Variants in CASZ1 observed in about 807,000 individuals in gnomAD.
CASZ1 encodes zinc finger protein castor homolog 1.
CASZ1 carries 28 observed loss-of-function variants against 135.2 expected under a neutral mutation model. That is an observed-to-expected ratio of 0.21 (90% CI 0.15 to 0.28). The LOEUF (loss-of-function observed/expected upper bound fraction) is 0.28, where lower values mean the gene tolerates loss of function less well. Among genes scored for constraint, CASZ1 ranks in the 10% least tolerant of loss-of-function variants. CASZ1 has a pLI of 1.00. For missense variants in CASZ1, 2,161 were observed against 2,453.3 expected (o/e 0.88, Z 2.52); for synonymous variants, 1,068 against 1,073.4 (o/e 0.99, Z 0.10).
rs780665405 is a variant in CASZ1 at position 10,653,396 on chromosome 1, G to C, written c.2661C>G (p.Pro887=). The part of the protein sequence containing the change: ...MARLAAAALK[P]SATFDPGSGQ... ...GCTCACCTGGGTCAAAGGTGGCAGAGGGCTTGAGGGCAGCTGCAGCCAGCC... is the reference window on the plus strand; with the variant it reads ...GCTCACCTGGGTCAAAGGTGGCAGACGGCTTGAGGGCAGCTGCAGCCAGCC... Residue 887 remains proline (P), a synonymous_variant, in exon 11 of 21, where the codon CCC becomes CCG. Transcript: ENST00000377022. 2 of 1,613,278 alleles carry C rather than the reference G, an allele frequency of 1.2e-6. No individual in the cohort carries two copies. Among genetic ancestry groups the C allele is most frequent in the Non-Finnish European group, 1.7e-6 (2 of 1,180,014 alleles).
chr1:10,674,824 A>G (rs1378427363), intron 4 of CASZ1, among the ~76,000 whole-genome samples: 1 of 152,040 alleles, frequency 6.6e-6, no homozygotes, highest in Admixed American at 6.5e-5. Context: ...GCTAAAGCCA[A>G]CTTCTTCCTG....
chr1:10,666,808 C>T lies in CASZ1; in HGVS notation c.17-1237G>A, dbSNP rs886757831. The stretch of plus-strand genomic sequence containing the variant: ...GGACACACACACACGCACACACACG[C>T]GTGCACACACAGCGCAGCCACATGG... On this transcript the variant is annotated intron_variant, in intron 4 of 20. Transcript: ENST00000377022. This position sits in a 1 kb window ranked among gnomAD's most constrained non-coding sequence, Gnocchi z 5.2. Among the ~76,000 whole-genome samples, 2 of 152,254 alleles carry T rather than the reference C, an allele frequency of 1.3e-5. No homozygotes were observed. Among genetic ancestry groups the T allele is most frequent in the East Asian group, 1.9e-4 (1 of 5,196 alleles).
chr1:10,794,261 C>T lies in CASZ1; in HGVS notation c.-234+2303G>A, dbSNP rs1044584101. Among the ~76,000 whole-genome samples the T allele has an allele frequency of 6.6e-6, 1 of 152,072 alleles. No individual in the cohort carries two copies. Among genetic ancestry groups the T allele is most frequent in the Admixed American group, 6.5e-5 (1 of 15,274 alleles). On this transcript the variant is annotated intron_variant, in intron 1 of 20. Transcript: ENST00000377022. This position sits in a 1 kb window ranked among gnomAD's most constrained non-coding sequence, Gnocchi z 5.6. Reference sequence around the variant, plus strand: ...CCAAGATTATCCGGCGATCTGTTTTCCAGTCCCCTCGTGCGCTCTCACCGC... The same window carrying T: ...CCAAGATTATCCGGCGATCTGTTTTTCAGTCCCCTCGTGCGCTCTCACCGC...
In CASZ1 at chr1:10,650,995, C is replaced by A; in HGVS notation, c.2762G>T (p.Gly921Val). 1 of 1,575,078 alleles carries A rather than the reference C, an allele frequency of 6.3e-7. No individual in the cohort carries two copies. The highest frequency in any genetic ancestry group is 1.4e-5 in the African/African-American group (1 of 72,456). Residue 921 changes from glycine to valine, a missense_variant, in exon 12 of 21, where the codon GGC becomes GTC. Transcript: ENST00000377022. ...GCGGTCCTGGGAGGCTTCGTGGGGG[C>A]CTGGGGCGCCGGTGCTCTCACCGGG... The part of the protein sequence containing the change: ...PEPGESTGAP[G>V]PHEASQDRSL...
At chr1:10,650,289 ACT>A (rs1642519481) in intron 13 of CASZ1, 1 of 152,594 alleles carries the variant, frequency 6.6e-6, no homozygotes, top group South Asian at 2.1e-4. Context: ...CGAGACCATT[ACT>A]CAACCGGAAA....
rs77134404 is a variant in CASZ1, at chr1:10,705,015, C to G, written c.-24+477G>C. The stretch of plus-strand genomic sequence containing the variant: ...CTCTTAGGGAGGATGGAGGAAGCCA[C>G]TAGGGGTGGCACAGCCTCCGAGGAG... On this transcript the variant is annotated intron_variant, in intron 3 of 20. Coordinates refer to ENST00000377022, the MANE Select transcript of CASZ1 (RefSeq NM_001079843.3). Among the ~76,000 whole-genome samples, 629 of 152,362 alleles carry G rather than the reference C, an allele frequency of 4.1e-3. 5 individuals are homozygous for G. The highest frequency in any genetic ancestry group is 0.014 in the African/African-American group (583 of 41,590).
chr1:10,690,558 G>T (rs996226590), intron 4 of CASZ1, among the ~76,000 whole-genome samples: 13 of 152,198 alleles, frequency 8.5e-5, no homozygotes, highest in Non-Finnish European at 1.6e-4. Context: ...CAATGCAAGG[G>T]GGTCCTGGCC....
At chr1:10,698,126 G>A (rs576121728) in intron 3 of CASZ1, among the ~76,000 whole-genome samples, 12 of 152,390 alleles carry the variant, frequency 7.9e-5, no homozygotes, top group East Asian at 5.8e-4. Flanking sequence ...GGGCCGCGCC[G>A]AGTGTAAGGC....
At chr1:10,746,660 C>T (rs1445747083) in intron 2 of CASZ1, among the ~76,000 whole-genome samples, 7 of 152,228 alleles carry the variant, frequency 4.6e-5, no homozygotes, top group Admixed American at 2.0e-4. Context: ...AGCCTGGACC[C>T]GGGACCTTCT....
rs1161172758 is a variant in CASZ1 at position 10,711,500 on chromosome 1, C to T, written c.-76-5956G>A. On this transcript the variant is annotated intron_variant, in intron 2 of 20. Transcript: ENST00000377022. The surrounding 1 kb of genome is among the most constrained non-coding windows in gnomAD (Gnocchi z 4.4). ...AATAAATATGGCCTCTTATTAGTTT[C>T]CAGGGTCCCTGCCTTTAAGAAGCTA... Among the ~76,000 whole-genome samples, 1 of 151,874 alleles carries T rather than the reference C, an allele frequency of 6.6e-6. No individual in the cohort carries two copies. The highest frequency in any genetic ancestry group is 2.4e-5 in the African/African-American group (1 of 41,288).
At chr1:10,786,934 A>C (rs758939017) in intron 1 of CASZ1, among the ~76,000 whole-genome samples, 6 of 152,132 alleles carry the variant, frequency 3.9e-5, no homozygotes, top group Non-Finnish European at 8.8e-5. Flanking sequence ...ACCCAGGCTC[A>C]CGGCTTTCTG....
At chr1:10,677,793 C>T (rs1437583703) in intron 4 of CASZ1, among the ~76,000 whole-genome samples, 6 of 152,214 alleles carry the variant, frequency 3.9e-5, no homozygotes, top group South Asian at 4.1e-4. Flanking sequence ...CCAGGCCCCT[C>T]GGGCCCCAAA....
intron 2 of CASZ1, among the ~76,000 whole-genome samples, chr1:10,729,304 C>T (rs1639660367): frequency 6.6e-6 from 1 of 152,168 alleles, no homozygotes; most frequent in Admixed American, 6.5e-5. Flanking sequence ...GGACCAGGCT[C>T]TTCTAGCTGT....
At position 10,636,655 on chromosome 1, in the gene CASZ1, C is replaced by CAAAA. The variant is rs59054467; in HGVS notation, c.*2283_*2286dup. ...AATGTCAAACCTTGCATCAGTCATG[C>CAAAA]AAAAAAAAAAAAAAAAATCAAATAA... On this transcript the variant is annotated 3_prime_UTR_variant, in exon 21 of 21. Coordinates refer to ENST00000377022, the MANE Select transcript of CASZ1 (RefSeq NM_001079843.3). 5.3e-5 allele frequency: 6 copies of CAAAA among 113,284 alleles called. No individual in the cohort carries two copies. The highest frequency in any genetic ancestry group is 1.6e-4 in the African/African-American group (5 of 30,604). The allele number at this position is 113,284 out of a possible 1,614,324, so 7.0% of individuals were successfully genotyped here.
intron 1 of CASZ1, among the ~76,000 whole-genome samples, chr1:10,765,370 T>C (rs1640454747): frequency 6.8e-6 from 1 of 147,814 alleles, no homozygotes; most frequent in South Asian, 2.1e-4. Context: ...ATTGCCCAAC[T>C]CCAGGGCTGT....
At position 10,656,730 on chromosome 1, in the gene CASZ1, C is replaced by G. The variant is rs540736405; in HGVS notation, c.1416G>C (p.Ser472=). The change falls in exon 8 of 21, where the codon TCG becomes TCC. Residue 472 remains serine (S), a synonymous_variant. Coordinates refer to ENST00000377022, the MANE Select transcript of CASZ1 (RefSeq NM_001079843.3). ...GGATGTGGCCACAGTGCTGGCTGCC[C>G]GAGAACCTGGAGGGAGGAGGGGTGG... ...NIYQKYIARF[S]GSQHCGHIHC... 1 of 1,592,470 alleles carries G rather than the reference C, an allele frequency of 6.3e-7. No homozygotes were observed. Among genetic ancestry groups the G allele is most frequent in the Non-Finnish European group, 8.5e-7 (1 of 1,170,280 alleles).
At chr1:10,778,681 A>T (rs1640705371) in intron 1 of CASZ1, among the ~76,000 whole-genome samples, 1 of 152,176 alleles carries the variant, frequency 6.6e-6, no homozygotes, top group Admixed American at 6.5e-5. Context: ...GAGAGCTCCC[A>T]TCCAAACTGT....
chr1:10,766,789 T>A (rs918395529), intron 1 of CASZ1, among the ~76,000 whole-genome samples: 16 of 152,168 alleles, frequency 1.1e-4, no homozygotes, highest in African/African-American at 3.9e-4. Flanking sequence ...CCATCGCAAA[T>A]TAATATCTAT....
intron 4 of CASZ1, among the ~76,000 whole-genome samples, chr1:10,669,122 G>C (rs1315373534): frequency 2.0e-5 from 3 of 152,226 alleles, no homozygotes; most frequent in Non-Finnish European, 4.4e-5. Flanking sequence ...CCACCTTTCC[G>C]GGCACTAAGG....
Sources: gnomAD v4.1 joint callset for allele counts (sites outside exome capture counted in the v4.1 genomes callset) on GRCh38, gnomAD v4.1.1 for gene constraint, Gnocchi (gnomAD v3.1) non-coding constraint, MANE v1.5 for transcripts, NCBI Gene and HGNC (gene_info 2026-07-23, HGNC 2026-07-21) for gene names.